Variants in DCTN4 observed in about 807,000 individuals in gnomAD.
DCTN4 encodes dynactin 4 (p62).
A neutral mutation model predicts 62.7 loss-of-function variants in DCTN4; 23 were observed. The observed-to-expected ratio is 0.37, with a 90% CI of 0.26 to 0.52. The LOEUF is 0.52. Ranked by LOEUF, DCTN4 falls within the 20% of genes least tolerant of loss-of-function variation. The pLI, the probability that DCTN4 is intolerant of heterozygous loss-of-function variation, is 0.92. For missense variants in DCTN4, 514 were observed against 580.4 expected, an observed-to-expected ratio of 0.89 and a Z score of 1.18; for synonymous variants, 199 against 202.1, an observed-to-expected ratio of 0.98 and a Z score of 0.13.
At chr5:150,740,702 T>A (rs1581590740) in intron 4 of DCTN4, among the ~76,000 whole-genome samples, 1 of 152,146 alleles carries the variant, frequency 6.6e-6, no homozygotes, top group Non-Finnish European at 1.5e-5. Flanking sequence ...GTATACACCA[T>A]GGAATACTAC....
chr5:150,729,056 T>C (rs1308386602), intron 8 of DCTN4, among the ~76,000 whole-genome samples: 38 of 127,060 alleles, frequency 3.0e-4, no homozygotes, highest in African/African-American at 1.1e-3. Flanking sequence ...TTTTTTTTTT[T>C]TTTTTTTTTT....
intron 5 of DCTN4, 69 bp downstream of exon 5, chr5:150,733,299 A>G (rs1760452990): frequency 4.4e-6 from 5 of 1,144,272 alleles, no homozygotes; most frequent in African/African-American, 1.5e-5. Context: ...GACAATGGCC[A>G]TTTTCTGAAA....
intron 3 of DCTN4, among the ~76,000 whole-genome samples, chr5:150,747,967 G>A (rs1752520869): frequency 7.0e-6 from 1 of 143,156 alleles, no homozygotes; most frequent in African/African-American, 2.7e-5. Context: ...AAGAGCTTCT[G>A]CACAGCAAAA....
chr5:150,742,792 A>AC (rs546241122), intron 3 of DCTN4: 3 of 153,008 alleles, frequency 2.0e-5, no homozygotes, highest in Non-Finnish European at 4.4e-5. Flanking sequence ...AAGGACCCTT[A>AC]CTTCAACAAC....
chr5:150,743,263 A>G, intron 3 of DCTN4: 1 of 156,742 alleles, frequency 6.4e-6, no homozygotes, highest in Non-Finnish European at 1.4e-5. Context: ...GGTGGCAGTG[A>G]GGCTGGGGGA....
At chr5:150,715,469 A>T in intron 12 of DCTN4, 96 bp downstream of exon 12, 1 of 888,520 alleles carries the variant, frequency 1.1e-6, no homozygotes, top group Non-Finnish European at 1.7e-6. Context: ...AGGAAGAAAA[A>T]AGTTATTTTA....
intron 3 of DCTN4, among the ~76,000 whole-genome samples, chr5:150,748,074 G>T (rs1263241941): frequency 6.6e-6 from 1 of 151,724 alleles, no homozygotes; most frequent in Non-Finnish European, 1.5e-5. Context: ...AATCTACAAT[G>T]AACTCAAACA....
chr5:150,714,483 TC>T (rs1759685244), intron 12 of DCTN4, among the ~76,000 whole-genome samples: 1 of 152,004 alleles, frequency 6.6e-6, no homozygotes, highest in Non-Finnish European at 1.5e-5. Context: ...CTCAACTGAT[TC>T]TCCCACCCTG....
chr5:150,715,809 T>C, intron 11 of DCTN4, 147 bp from the exon 12 acceptor site: 1 of 637,880 alleles, frequency 1.6e-6, no homozygotes, highest in South Asian at 2.0e-5. Context: ...GAACAAAGGT[T>C]TTAAGAGAAA....
At chr5:150,739,548 T>C (rs934526853) in intron 4 of DCTN4, among the ~76,000 whole-genome samples, 9 of 152,124 alleles carry the variant, frequency 5.9e-5, no homozygotes, top group African/African-American at 1.4e-4. Flanking sequence ...CAAAATACCA[T>C]CATCATTCTT....
chr5:150,729,808 G>A (rs145355503), intron 8 of DCTN4, among the ~76,000 whole-genome samples: 13 of 151,964 alleles, frequency 8.6e-5, no homozygotes, highest in Admixed American at 3.3e-4. Flanking sequence ...TAATAGCATC[G>A]AAAATGCTAC....
In DCTN4 at chr5:150,708,630, G is replaced by C. The variant is rs1025073241; in HGVS notation, c.*2519C>G. On this transcript the variant is annotated 3_prime_UTR_variant, in exon 13 of 13. Coordinates refer to ENST00000447998, the MANE Select transcript of DCTN4 (RefSeq NM_016221.4). ...GAGATTTTAGATTACTTCATTTAAGGAATGGAAGGGAGCATGCCCCACCAA... is the reference window on the plus strand; with the variant it reads ...GAGATTTTAGATTACTTCATTTAAGCAATGGAAGGGAGCATGCCCCACCAA... 2.6e-5 allele frequency: 4 copies of C among 152,746 alleles called. No individual in the cohort carries two copies. Among genetic ancestry groups the C allele is most frequent in the Non-Finnish European group, 5.9e-5 (4 of 68,032 alleles). The allele number at this position is 152,746 out of a possible 1,614,324, so 9.5% of individuals were successfully genotyped here.
intron 3 of DCTN4, among the ~76,000 whole-genome samples, chr5:150,751,520 T>G (rs1752674982): frequency 6.6e-6 from 1 of 152,122 alleles, no homozygotes; most frequent in African/African-American, 2.4e-5. Context: ...AAAACAATAC[T>G]TTAGTTCACT....
intron 4 of DCTN4, 59 bp from the exon 5 acceptor site, chr5:150,733,534 A>G: frequency 1.6e-6 from 2 of 1,232,598 alleles, no homozygotes; most frequent in East Asian, 4.7e-5. Context: ...TATCAAATTA[A>G]TCAACTACAC....
intron 3 of DCTN4, among the ~76,000 whole-genome samples, chr5:150,751,303 A>G (rs1250736720): frequency 6.6e-6 from 1 of 152,136 alleles, no homozygotes; most frequent in Non-Finnish European, 1.5e-5. Context: ...CTGGTATTCA[A>G]TTATCCCTGT....
chr5:150,712,689 T>A (rs1460459078), intron 12 of DCTN4, among the ~76,000 whole-genome samples: 1 of 152,232 alleles, frequency 6.6e-6, no homozygotes, highest in Non-Finnish European at 1.5e-5. Context: ...TAATTAGGAA[T>A]TTTAGCACAA....
intron 8 of DCTN4, among the ~76,000 whole-genome samples, chr5:150,724,929 G>C (rs547287727): frequency 6.6e-6 from 1 of 151,930 alleles, no homozygotes; most frequent in African/African-American, 2.4e-5. Context: ...AGGCTGAGGC[G>C]GGCGGACCAC....
intron 3 of DCTN4, among the ~76,000 whole-genome samples, chr5:150,745,215 G>A (rs1271061485): frequency 6.7e-6 from 1 of 150,266 alleles, no homozygotes; most frequent in South Asian, 2.1e-4. Flanking sequence ...TAATGGTAAA[G>A]GGATCAATTC....
At chr5:150,718,985 A>G (rs1581566981) in intron 10 of DCTN4, among the ~76,000 whole-genome samples, 1 of 150,886 alleles carries the variant, frequency 6.6e-6, no homozygotes, top group Non-Finnish European at 1.5e-5. Context: ...CACCTGGCAA[A>G]TTTTTTGTAT....
Sources: gnomAD v4.1 joint callset for allele counts (sites outside exome capture counted in the v4.1 genomes callset) on GRCh38, gnomAD v4.1.1 for gene constraint, MANE v1.5 for transcripts, NCBI Gene and HGNC (gene_info 2026-07-23, HGNC 2026-07-21) for gene names.